ADAMTSL1: variants seen among roughly 807,000 people sequenced by gnomAD.
ADAMTSL1 encodes the protein ADAMTS like 1, also known as ADAMTS-like protein 1.
A neutral mutation model predicts 201.8 loss-of-function variants in ADAMTSL1; 126 were observed. The ratio of observed to expected loss-of-function variants is 0.62; its 90% CI spans 0.54 to 0.72. The LOEUF (loss-of-function observed/expected upper bound fraction) is 0.72. Among genes scored for constraint, ADAMTSL1 ranks in the 30% least tolerant of loss-of-function variants. ADAMTSL1 has a pLI of 0.00. For synonymous variants in ADAMTSL1, 1,121 were observed against 903.4 expected (o/e 1.24, Z -4.32); for missense variants, 2,679 against 2,277.8 (o/e 1.18, Z -3.59).
At chr9:18,124,994 A>G (rs1825672068) in intron 1 of ADAMTSL1, among the ~76,000 whole-genome samples, 1 of 152,188 alleles carries the variant, frequency 6.6e-6, no homozygotes, top group Non-Finnish European at 1.5e-5. Context: ...GGAGAGGAAA[A>G]TATTTCACAT....
chr9:18,585,191 A>T (rs1400917280), intron 4 of ADAMTSL1, among the ~76,000 whole-genome samples: 2 of 152,204 alleles, frequency 1.3e-5, no homozygotes, highest in African/African-American at 4.8e-5. Context: ...TTCTTCTGAT[A>T]TATTAACATT....
chr9:18,796,017 C>T (rs1170508262), intron 20 of ADAMTSL1, among the ~76,000 whole-genome samples: 1 of 152,160 alleles, frequency 6.6e-6, no homozygotes, highest in Non-Finnish European at 1.5e-5. Context: ...TTTATTTCAT[C>T]CTCTTGCTCT....
intron 20 of ADAMTSL1, among the ~76,000 whole-genome samples, chr9:18,809,434 G>T (rs1056164409): frequency 3.3e-5 from 5 of 152,162 alleles, no homozygotes; most frequent in African/African-American, 1.2e-4. Flanking sequence ...GGGAGTGTGG[G>T]CTAAGTGAGG....
intron 2 of ADAMTSL1, among the ~76,000 whole-genome samples, chr9:18,447,008 G>A (rs77087328): frequency 0.016 from 2,482 of 151,354 alleles, 49 homozygotes; most frequent in South Asian, 0.069. Flanking sequence ...TGTGCTGGAA[G>A]GGGAGGTGAG....
rs117551426 is a variant in ADAMTSL1, at chr9:18,778,340, C to T, written c.3677+434C>T. Among the ~76,000 whole-genome samples, 118 of 152,346 alleles carry T rather than the reference C, an allele frequency of 7.7e-4. No individual in the cohort carries two copies. In the East Asian group the frequency reaches 0.022, roughly 29 times the overall value. On this transcript the variant is annotated intron_variant, in intron 19 of 28. Coordinates refer to ENST00000380548, the MANE Select transcript of ADAMTSL1 (RefSeq NM_001040272.6). ...GTCCCCCAGGGCTGGGCAGAGAATG[C>T]AGCCAGCACCTGCTGTTTCCCATGG...
intron 1 of ADAMTSL1, among the ~76,000 whole-genome samples, chr9:17,950,161 C>T (rs948043057): frequency 3.9e-5 from 6 of 152,220 alleles, no homozygotes; most frequent in African/African-American, 1.4e-4. Flanking sequence ...CCTGCCTCGG[C>T]CTCCTAAAGT....
intron 16 of ADAMTSL1, among the ~76,000 whole-genome samples, chr9:18,760,826 G>A (rs1162814926): frequency 6.6e-6 from 1 of 152,208 alleles, no homozygotes; most frequent in African/African-American, 2.4e-5. Context: ...ATCTTGCTAT[G>A]CCAGCATCCT....
intron 2 of ADAMTSL1, among the ~76,000 whole-genome samples, chr9:18,301,782 G>A (rs1412038140): frequency 6.6e-6 from 1 of 152,188 alleles, no homozygotes; most frequent in Non-Finnish European, 1.5e-5. Context: ...ACCTTATGGG[G>A]CAAGGTAGTG....
chr9:18,736,557 T>C (rs1157518107), intron 15 of ADAMTSL1, among the ~76,000 whole-genome samples: 1 of 152,162 alleles, frequency 6.6e-6, no homozygotes, highest in Non-Finnish European at 1.5e-5. Flanking sequence ...GAAAAAGTGC[T>C]GTTTTCCAGC....
intron 1 of ADAMTSL1, among the ~76,000 whole-genome samples, chr9:18,488,635 A>C (rs929144245): frequency 2.6e-5 from 4 of 152,186 alleles, no homozygotes; most frequent in Non-Finnish European, 2.9e-5. Context: ...ATCATTGTGA[A>C]GTTTAATAAA....
In ADAMTSL1 at chr9:18,515,853, T is replaced by G. The variant is rs376828798; in HGVS notation, c.191+10897T>G. 3.2e-3 allele frequency among the ~76,000 whole-genome samples: 488 copies of G among 152,244 alleles called. 35 individuals are homozygous for G. The South Asian group carries it at 0.098, about 31-fold the overall frequency. On this transcript the variant is annotated intron_variant, in intron 2 of 28. Coordinates refer to ENST00000380548, the MANE Select transcript of ADAMTSL1 (RefSeq NM_001040272.6). Reference sequence around the variant, plus strand: ...TTAAATGAACTAAGTGATTTCTAACTTATTCTTTCATCCTTTTATTAATTA... The same window carrying G: ...TTAAATGAACTAAGTGATTTCTAACGTATTCTTTCATCCTTTTATTAATTA...
In ADAMTSL1 at chr9:18,639,605, A is replaced by G. The variant is rs181642792; in HGVS notation, c.834+194A>G. Among the ~76,000 whole-genome samples, 730 of 152,238 alleles carry G rather than the reference A, an allele frequency of 4.8e-3. 2 individuals are homozygous for G. The highest frequency in any genetic ancestry group is 7.5e-3 in the Non-Finnish European group (510 of 67,998). ...TGAGGACATATGATATTTCAAGGTC[A>G]TAGAAAATCTTTATTATATAATTAA... On this transcript the variant is annotated intron_variant, in intron 7 of 28. Coordinates refer to ENST00000380548, the MANE Select transcript of ADAMTSL1 (RefSeq NM_001040272.6).
At chr9:18,135,236 A>G (rs1359779335) in intron 1 of ADAMTSL1, among the ~76,000 whole-genome samples, 1 of 152,126 alleles carries the variant, frequency 6.6e-6, no homozygotes, top group African/African-American at 2.4e-5. Context: ...AATAGTCACA[A>G]TTGAATTCTT....
chr9:18,565,060 C>T (rs1472347661), intron 3 of ADAMTSL1, among the ~76,000 whole-genome samples: 1 of 152,132 alleles, frequency 6.6e-6, no homozygotes, highest in Non-Finnish European at 1.5e-5. Context: ...CTCTCAGATG[C>T]CTGGAAACAT....
chr9:18,385,310 C>T (rs1837747407), intron 2 of ADAMTSL1, among the ~76,000 whole-genome samples: 1 of 152,022 alleles, frequency 6.6e-6, no homozygotes, highest in African/African-American at 2.4e-5. Context: ...ACATTATCCT[C>T]CAAGATCTAG....
At chr9:18,021,900 A>G (rs574314445) in intron 1 of ADAMTSL1, among the ~76,000 whole-genome samples, 1 of 152,294 alleles carries the variant, frequency 6.6e-6, no homozygotes, top group African/African-American at 2.4e-5. Flanking sequence ...CCTGGTAGTT[A>G]ATGAACAGGT....
intron 1 of ADAMTSL1, among the ~76,000 whole-genome samples, chr9:17,972,934 A>C (rs1307119545): frequency 6.7e-6 from 1 of 149,622 alleles, no homozygotes; most frequent in African/African-American, 2.5e-5. Flanking sequence ...GCATTTTTTC[A>C]TGTGTTTTTT....
At chr9:18,366,440 A>G (rs1461442919) in intron 2 of ADAMTSL1, among the ~76,000 whole-genome samples, 2 of 151,776 alleles carry the variant, frequency 1.3e-5, no homozygotes, top group African/African-American at 2.4e-5. Context: ...TTATGTGTAC[A>G]TTTGTAAGCA....
chr9:17,985,102 T>C (rs1292477039), intron 1 of ADAMTSL1, among the ~76,000 whole-genome samples: 1 of 152,146 alleles, frequency 6.6e-6, no homozygotes, highest in Non-Finnish European at 1.5e-5. Flanking sequence ...CCGTCACTCT[T>C]TTAATTGTAT....
Sources: gnomAD v4.1 joint callset for allele counts (sites outside exome capture counted in the v4.1 genomes callset) on GRCh38, gnomAD v4.1.1 for gene constraint, MANE v1.5 for transcripts, NCBI Gene and HGNC (gene_info 2026-07-23, HGNC 2026-07-21) for gene names.